TMEM170B: variants seen among roughly 807,000 people sequenced by gnomAD.
The protein encoded by TMEM170B is transmembrane protein 170B.
In TMEM170B, 6 loss-of-function variants were observed where a neutral mutation model predicts 13.0. The observed-to-expected ratio is 0.46, with a 90% CI of 0.25 to 0.91. The LOEUF (loss-of-function observed/expected upper bound fraction) is 0.91. TMEM170B is among the 40% of genes least tolerant of loss of function. The pLI is 0.17. For synonymous variants in TMEM170B, 61 were observed against 64.9 expected (o/e 0.94, Z 0.29); for missense variants, 138 against 165.2 (o/e 0.84, Z 0.90).
intron 1 of TMEM170B, among the ~76,000 whole-genome samples, chr6:11,548,059 A>G (rs1425565810): frequency 2.6e-5 from 4 of 152,180 alleles, no homozygotes; most frequent in Non-Finnish European, 5.9e-5. Flanking sequence ...GAAATTGGCA[A>G]CAAAAGCCAA....
At position 11,576,665 on chromosome 6, in the gene TMEM170B, T is replaced by G. The variant is rs917173729; in HGVS notation, c.*1104T>G. On this transcript the variant is annotated 3_prime_UTR_variant, in exon 3 of 3. Transcript: ENST00000379426. ...GTTATATAGGAAGAGTAATGAACTATTTTACTTTGGACATGTGGCAACATC... is the reference window on the plus strand; with the variant it reads ...GTTATATAGGAAGAGTAATGAACTAGTTTACTTTGGACATGTGGCAACATC... The G allele has an allele frequency of 6.6e-6, 1 of 152,146 alleles. No homozygotes were observed. Among genetic ancestry groups the G allele is most frequent in the Non-Finnish European group, 1.5e-5 (1 of 67,984 alleles). 9.4% of individuals were successfully genotyped at this position (152,146 alleles called of 1,614,324 possible). A position where few individuals can be genotyped will look rare whatever the true frequency, so the allele number is the denominator to read the frequency against.
At chr6:11,562,388 G>A (rs1049840135) in intron 1 of TMEM170B, among the ~76,000 whole-genome samples, 5 of 149,922 alleles carry the variant, frequency 3.3e-5, no homozygotes, top group African/African-American at 4.9e-5. Flanking sequence ...CTATATTTCC[G>A]TAATCACTAG....
chr6:11,549,795 T>G (rs1356611925), intron 1 of TMEM170B, among the ~76,000 whole-genome samples: 1 of 152,218 alleles, frequency 6.6e-6, no homozygotes, highest in Admixed American at 6.5e-5. Flanking sequence ...GAACACAATT[T>G]CTTACTGGAG....
In TMEM170B at chr6:11,558,342, GT is replaced by G. The variant is rs1759616910; in HGVS notation, c.98-7320del. 1.3e-4 allele frequency among the ~76,000 whole-genome samples: 19 copies of G among 151,942 alleles called. 1 individual carries two copies. The South Asian group carries it at 3.7e-3, about 30-fold the overall frequency. ...CAGCCTCATCTTACCATATTTTTTG[GT>G]TTTAGTCAAACCCAGAATTCTTGCA... On this transcript the variant is annotated intron_variant, in intron 1 of 2. Coordinates refer to ENST00000379426, the MANE Select transcript of TMEM170B (RefSeq NM_001100829.3).
At chr6:11,546,649 CA>C (rs1759444905) in intron 1 of TMEM170B, among the ~76,000 whole-genome samples, 1 of 152,138 alleles carries the variant, frequency 6.6e-6, no homozygotes. Context: ...TTTAGAGACA[CA>C]AATACTTCCC....
chr6:11,548,648 T>C (rs1334229115), intron 1 of TMEM170B, among the ~76,000 whole-genome samples: 2 of 152,116 alleles, frequency 1.3e-5, no homozygotes, highest in African/African-American at 2.4e-5. Flanking sequence ...GCACTATTCA[T>C]AATAGCAAAG....
chr6:11,565,508 A>C (rs1327663418), intron 1 of TMEM170B, among the ~76,000 whole-genome samples, 158 bp from the exon 2 acceptor site: 1 of 152,230 alleles, frequency 6.6e-6, no homozygotes, highest in East Asian at 1.9e-4. Context: ...GATAAAACTT[A>C]TAATGTATTC....
intron 2 of TMEM170B, among the ~76,000 whole-genome samples, chr6:11,566,785 G>A (rs1759738701): frequency 6.6e-6 from 1 of 152,326 alleles, no homozygotes; most frequent in South Asian, 2.1e-4. Context: ...TGAGCCACCC[G>A]CATGCGCGGT....
Position 11,576,476 on chromosome 6 carries a change from TTATAAC to T in TMEM170B, c.*918_*923del, listed in dbSNP as rs1759875694. ...CTTGTATCTCATGGACAAAACATCT[TTATAAC>T]TAGTATCTCAGTGGGATTGTATTAC... On this transcript the variant is annotated 3_prime_UTR_variant, in exon 3 of 3. Coordinates refer to ENST00000379426, the MANE Select transcript of TMEM170B (RefSeq NM_001100829.3). 6.6e-6 allele frequency: 1 copy of T among 152,216 alleles called. No homozygotes were observed. Among genetic ancestry groups the T allele is most frequent in the South Asian group, 2.1e-4 (1 of 4,838 alleles). The allele number at this position is 152,216 out of a possible 1,614,324, so 9.4% of individuals were successfully genotyped here.
At position 11,575,509 on chromosome 6, in the gene TMEM170B, A is replaced by G. The variant is rs1328792034; in HGVS notation, c.347A>G (p.Gln116Arg). Reference protein sequence around the residue: ...PLEALVWGVGQTVLTLIISFS... With the variant: ...PLEALVWGVGRTVLTLIISFS... ...GAAGCGCTGGTATGGGGCGTTGGACAGACTGTACTGACATTAATCATCTCC... is the reference window on the plus strand; with the variant it reads ...GAAGCGCTGGTATGGGGCGTTGGACGGACTGTACTGACATTAATCATCTCC... The change falls in exon 3 of 3, where the codon CAG becomes CGG. Residue 116 changes from glutamine (Q) to arginine (R), a missense_variant. Gln to Arg is a conservative substitution (Grantham distance 43). Transcript: ENST00000379426. The surrounding 1 kb of genome is among the most constrained non-coding windows in gnomAD (Gnocchi z 4.1). The G allele has an allele frequency of 6.2e-7, 1 of 1,613,506 alleles. No homozygotes were observed. Among genetic ancestry groups the G allele is most frequent in the Admixed American group, 1.7e-5 (1 of 59,994 alleles).
chr6:11,539,296 G>GA (rs1007152026), intron 1 of TMEM170B, among the ~76,000 whole-genome samples: 1 of 151,930 alleles, frequency 6.6e-6, no homozygotes, highest in Non-Finnish European at 1.5e-5. Flanking sequence ...CTTTTCAGAG[G>GA]AAAAAAATCT....
chr6:11,567,559 A>G (rs17397448), intron 2 of TMEM170B, among the ~76,000 whole-genome samples: 12,830 of 152,234 alleles, frequency 0.084, 586 homozygotes, highest in Middle Eastern at 0.13. Context: ...CACTAATAAG[A>G]CAACCATAAA....
chr6:11,577,663 A>G lies in TMEM170B; in HGVS notation c.*2102A>G, dbSNP rs542387138. On this transcript the variant is annotated 3_prime_UTR_variant, in exon 3 of 3. Coordinates refer to ENST00000379426, the MANE Select transcript of TMEM170B (RefSeq NM_001100829.3). Reference sequence around the variant, plus strand: ...AAATTAACAAGAAAATAACTTGGATACATTAAATGTACTAATGTGTGGACC... The same window carrying G: ...AAATTAACAAGAAAATAACTTGGATGCATTAAATGTACTAATGTGTGGACC... 6 of 152,262 alleles carry G rather than the reference A, an allele frequency of 3.9e-5. No homozygotes were observed. The highest frequency in any genetic ancestry group is 9.6e-5 in the African/African-American group (4 of 41,590). The allele number at this position is 152,262 out of a possible 1,614,324, so 9.4% of individuals were successfully genotyped here. A position where few individuals can be genotyped will look rare whatever the true frequency, so the allele number is the denominator to read the frequency against.
At chr6:11,545,282 G>C (rs73721758) in intron 1 of TMEM170B, among the ~76,000 whole-genome samples, 14,743 of 119,722 alleles carry the variant, frequency 0.12, 727 homozygotes, top group East Asian at 0.19. Flanking sequence ...CTCTCTCTCT[G>C]TGTGTGTGTG....
At chr6:11,557,167 C>A (rs1759601594) in intron 1 of TMEM170B, among the ~76,000 whole-genome samples, 1 of 152,230 alleles carries the variant, frequency 6.6e-6, no homozygotes, top group Non-Finnish European at 1.5e-5. Context: ...CCAGGTAACA[C>A]ATGTCCCCCA....
intron 1 of TMEM170B, among the ~76,000 whole-genome samples, chr6:11,549,035 G>C (rs544904000): frequency 6.6e-6 from 1 of 152,174 alleles, no homozygotes; most frequent in Admixed American, 6.5e-5. Context: ...TAACAAACCT[G>C]CACGTTGTGC....
chr6:11,578,947 T>C lies in TMEM170B; in HGVS notation c.*3386T>C, dbSNP rs2113789171. On this transcript the variant is annotated 3_prime_UTR_variant, in exon 3 of 3. Coordinates refer to ENST00000379426, the MANE Select transcript of TMEM170B (RefSeq NM_001100829.3). ...GCCACTCATACAGCAAATAATTCTA[T>C]TTTGTAAACACTTCGTGTGGATCCA... 6.6e-6 allele frequency: 1 copy of C among 152,332 alleles called. No individual in the cohort carries two copies. Among genetic ancestry groups the C allele is most frequent in the East Asian group, 1.9e-4 (1 of 5,178 alleles). The allele number at this position is 152,332 out of a possible 1,614,324, so 9.4% of individuals were successfully genotyped here.
At chr6:11,561,760 G>C (rs1362135084) in intron 1 of TMEM170B, among the ~76,000 whole-genome samples, 1 of 152,126 alleles carries the variant, frequency 6.6e-6, no homozygotes, top group African/African-American at 2.4e-5. Flanking sequence ...AGGGTACTTT[G>C]TTCATGTTCA....
At chr6:11,538,473 G>T (rs1476522792) in intron 1 of TMEM170B, 99 bp downstream of exon 1, 2 of 907,996 alleles carry the variant, frequency 2.2e-6, no homozygotes, top group Non-Finnish European at 3.2e-6. Flanking sequence ...CCCCACCCCC[G>T]TGCGCGCCCC....
Sources: gnomAD v4.1 joint callset for allele counts (sites outside exome capture counted in the v4.1 genomes callset) on GRCh38, gnomAD v4.1.1 for gene constraint, Gnocchi (gnomAD v3.1) non-coding constraint, MANE v1.5 for transcripts, NCBI Gene and HGNC (gene_info 2026-07-23, HGNC 2026-07-21) for gene names.